The following AVEN variants were observed in gnomAD, a reference collection of about 807,000 sequenced individuals.
AVEN encodes the protein cell death regulator Aven.
In AVEN, 41 loss-of-function variants were observed where a neutral mutation model predicts 38.1. The ratio of observed to expected loss-of-function variants is 1.08; its 90% CI spans 0.84 to 1.40. The LOEUF (loss-of-function observed/expected upper bound fraction) is 1.40, where lower values mean the gene tolerates loss of function less well. Among genes scored for constraint, AVEN ranks in the 40% most tolerant of loss-of-function variants. The probability of loss-of-function intolerance (pLI) is 0.00; values close to 1 mark genes in which losing one functional copy is unlikely to be tolerated. For synonymous variants in AVEN, 206 were observed against 171.8 expected, an observed-to-expected ratio of 1.20 and a Z score of -1.56; for missense variants, 605 against 438.8, an observed-to-expected ratio of 1.38 and a Z score of -3.38.
At chr15:34,033,863 C>T (rs1455034536) in intron 1 of AVEN, among the ~76,000 whole-genome samples, 2 of 152,170 alleles carry the variant, frequency 1.3e-5, no homozygotes. Context: ...TTTCGGCTCA[C>T]TGCAACCTCC....
intron 1 of AVEN, among the ~76,000 whole-genome samples, chr15:34,029,508 C>T (rs964586037): frequency 1.2e-5 from 1 of 84,398 alleles, no homozygotes; most frequent in Non-Finnish European, 2.3e-5. Flanking sequence ...TAGGTAGACC[C>T]TATTTCTACA....
chr15:34,074,601 A>G (rs1180820561), exon 1 of AVEN, among the ~76,000 whole-genome samples: 1 of 151,976 alleles, frequency 6.6e-6, no homozygotes, highest in African/African-American at 2.4e-5. Flanking sequence ...GTCTCCTCAT[A>G]TCATCTTCTC....
chr15:33,853,663 G>A, the AVEN span: 1 of 1,613,840 alleles, frequency 6.2e-7, no homozygotes, highest in Non-Finnish European at 8.5e-7. Context: ...CAAAGCAGAA[G>A]CGGCTTCTCT....
At chr15:33,859,805 A>C (rs1470174287) in intron 11 of AVEN, 29 of 1,450,896 alleles carry the variant, frequency 2.0e-5, no homozygotes, top group Non-Finnish European at 2.6e-5. Flanking sequence ...TCTATGACTT[A>C]ATTGGTTTAT....
At chr15:33,897,257 T>G (rs7495955) in intron 2 of AVEN, among the ~76,000 whole-genome samples, 124,617 of 151,992 alleles carry the variant, frequency 0.82, 55,164 homozygotes, top group Non-Finnish European at 0.98. Context: ...AGGCTGAATT[T>G]TGCTCAACAT....
At chr15:34,020,530 C>A (rs889950549) in intron 1 of AVEN, among the ~76,000 whole-genome samples, 4 of 152,196 alleles carry the variant, frequency 2.6e-5, no homozygotes, top group African/African-American at 4.8e-5. Context: ...TTAATGCCAT[C>A]ATCTGGCAGA....
intron 1 of AVEN, among the ~76,000 whole-genome samples, chr15:34,011,431 A>G (rs1194571992): frequency 1.3e-5 from 2 of 152,238 alleles, no homozygotes; most frequent in Non-Finnish European, 2.9e-5. Context: ...AGTATATGGC[A>G]TATATGTGAA....
At chr15:33,886,998 T>A (rs897703060) in intron 2 of AVEN, among the ~76,000 whole-genome samples, 1 of 152,208 alleles carries the variant, frequency 6.6e-6, no homozygotes, top group African/African-American at 2.4e-5. Flanking sequence ...GCAGCATCTA[T>A]CAATTAAGGT....
At chr15:34,015,398 C>G (rs1412953434) in intron 1 of AVEN, among the ~76,000 whole-genome samples, 1 of 152,008 alleles carries the variant, frequency 6.6e-6, no homozygotes, top group African/African-American at 2.4e-5. Context: ...AGGAGAATAG[C>G]GTGAACCCGG....
At chr15:34,057,231 G>A (rs1171258396) in intron 5 of AVEN, among the ~76,000 whole-genome samples, 1 of 151,356 alleles carries the variant, frequency 6.6e-6, no homozygotes, top group African/African-American at 2.4e-5. Flanking sequence ...CGGCTTCCCA[G>A]GTTCAAGCGA....
At chr15:33,893,654 C>T (rs558331961) in intron 2 of AVEN, among the ~76,000 whole-genome samples, 3 of 152,296 alleles carry the variant, frequency 2.0e-5, no homozygotes, top group Non-Finnish European at 1.5e-5. Context: ...TTTGGACTTT[C>T]TTTCCTGAAT....
chr15:33,982,748 C>T (rs946648987), intron 2 of AVEN, among the ~76,000 whole-genome samples: 1 of 152,112 alleles, frequency 6.6e-6, no homozygotes, highest in Non-Finnish European at 1.5e-5. Flanking sequence ...TACCATGATG[C>T]TTTCCCCATG....
chr15:33,876,970 TA>T (rs1891258279), intron 2 of AVEN, among the ~76,000 whole-genome samples: 3 of 152,212 alleles, frequency 2.0e-5, no homozygotes, highest in Admixed American at 2.0e-4. Context: ...AAAACAGAAC[TA>T]AAACTGTAGA....
At chr15:33,900,411 G>A (rs867628628) in intron 2 of AVEN, among the ~76,000 whole-genome samples, 11 of 151,704 alleles carry the variant, frequency 7.3e-5, no homozygotes, top group South Asian at 2.1e-4. Flanking sequence ...AGGCTCAAGC[G>A]GTCCTTCCAC....
At chr15:33,931,470 A>T (rs1893848155) in intron 2 of AVEN, among the ~76,000 whole-genome samples, 1 of 139,870 alleles carries the variant, frequency 7.1e-6, no homozygotes, top group Non-Finnish European at 1.5e-5. Flanking sequence ...TCCTGGGTTC[A>T]CGCCATTCTC....
chr15:34,030,603 C>T (rs986001179), intron 1 of AVEN, among the ~76,000 whole-genome samples: 4 of 151,906 alleles, frequency 2.6e-5, no homozygotes, highest in African/African-American at 9.7e-5. Flanking sequence ...GCTGGGATTA[C>T]AGGTGTGAGC....
chr15:33,938,064 G>A (rs1309511327), intron 2 of AVEN, among the ~76,000 whole-genome samples: 1 of 151,444 alleles, frequency 6.6e-6, no homozygotes, highest in Non-Finnish European at 1.5e-5. Flanking sequence ...TTAAAATAAA[G>A]GAATCATAAT....
At chr15:33,928,277 A>C (rs78129618) in intron 2 of AVEN, among the ~76,000 whole-genome samples, 6,748 of 152,314 alleles carry the variant, frequency 0.044, 306 homozygotes, top group African/African-American at 0.12. Flanking sequence ...AGTCCCTGCA[A>C]AAGAAAACTT....
chr15:34,033,270 C>T (rs764409269), intron 1 of AVEN, among the ~76,000 whole-genome samples: 2 of 152,142 alleles, frequency 1.3e-5, no homozygotes, highest in Non-Finnish European at 2.9e-5. Flanking sequence ...CGTCAGGAGG[C>T]AGAAGCGGGC....
Sources: allele counts gnomAD v4.1 joint callset (sites outside exome capture counted in the v4.1 genomes callset), GRCh38; gene constraint gnomAD v4.1.1; transcripts MANE v1.5; gene names NCBI Gene and HGNC (gene_info 2026-07-23, HGNC 2026-07-21).